The following STYXL2 variants were observed in gnomAD, a reference collection of about 807,000 sequenced individuals.
STYXL2 encodes the protein serine/threonine/tyrosine-interacting-like protein 2.
Under a neutral mutation model 52.4 loss-of-function variants are expected in STYXL2, and 44 were observed. The ratio of observed to expected loss-of-function variants is 0.84; its 90% confidence interval spans 0.66 to 1.08. The LOEUF is 1.08. STYXL2 is among the 50% of genes least tolerant of loss of function. The pLI, the probability that STYXL2 is intolerant of heterozygous loss-of-function variation, is 0.00. For synonymous variants in STYXL2, 604 were observed against 586.9 expected (o/e 1.03, Z -0.42); for missense variants, 1,604 against 1,471.7 (o/e 1.09, Z -1.47).
chr1:167,127,972 A>G lies in STYXL2; in HGVS notation c.2841A>G (p.Lys947=), dbSNP rs572204008. The G allele has an allele frequency of 3.7e-6, 6 of 1,613,552 alleles. No individual in the cohort carries two copies. In the South Asian group the frequency reaches 6.6e-5, roughly 18 times the overall value. ...TCAGTGGCCTCAGGACGGAGGAAAAACCTCCTTTCCAAAGTGACTGGTCTG... is the reference window on the plus strand; with the variant it reads ...TCAGTGGCCTCAGGACGGAGGAAAAGCCTCCTTTCCAAAGTGACTGGTCTG... ...KWLSGLRTEE[K]PPFQSDWSGS... Residue 947 remains lysine (K), a synonymous_variant, in exon 6 of 6, where the codon AAA becomes AAG. Transcript: ENST00000361200.
intron 3 of STYXL2, among the ~76,000 whole-genome samples, chr1:167,116,780 T>C (rs1489255739): frequency 2.0e-5 from 3 of 151,298 alleles, no homozygotes; most frequent in Non-Finnish European, 4.4e-5. Flanking sequence ...GCCTCCCAAG[T>C]AGCTGGGATT....
intron 5 of STYXL2, among the ~76,000 whole-genome samples, chr1:167,124,265 A>T (rs189004854): frequency 6.6e-6 from 1 of 152,198 alleles, no homozygotes; most frequent in East Asian, 1.9e-4. Context: ...GCTCTTGGCA[A>T]TAACACCTTT....
intron 2 of STYXL2, among the ~76,000 whole-genome samples, chr1:167,105,657 C>T (rs893479657): frequency 1.3e-5 from 2 of 152,210 alleles, no homozygotes; most frequent in Non-Finnish European, 2.9e-5. Context: ...GGAAAACAAG[C>T]GTCCGTTTTA....
intron 2 of STYXL2, among the ~76,000 whole-genome samples, chr1:167,106,165 A>G (rs149485284): frequency 3.8e-4 from 58 of 152,328 alleles, no homozygotes; most frequent in African/African-American, 1.4e-3. Flanking sequence ...CACAATTTAA[A>G]GTCAACGTTA....
Position 167,117,488 on chromosome 1 carries a change from G to C in STYXL2, c.366G>C (p.Leu122=), listed in dbSNP as rs145466273. 6.2e-7 allele frequency: 1 copy of C among 1,612,216 alleles called. No homozygotes were observed. The highest frequency in any genetic ancestry group is 1.1e-5 in the South Asian group (1 of 90,430). Residue 122 remains leucine, a synonymous_variant, in exon 4 of 6, where the codon CTG becomes CTC. Coordinates refer to ENST00000361200, the MANE Select transcript of STYXL2 (RefSeq NM_001080426.3). ...TPCVLDLQRA[L]VQDRQEAPWN... is the part of the protein sequence containing the mutation. ...GTGTCCTGGACCTACAGCGGGCCCT[G>C]GTTCAGGATCGCCAAGAGGCGCCCT...
chr1:167,117,284 G>A (rs1364743444), intron 3 of STYXL2, 44 bp from the exon 4 acceptor site: 2 of 1,507,508 alleles, frequency 1.3e-6, no homozygotes, highest in Admixed American at 3.8e-5. Flanking sequence ...GGAAGGCCAT[G>A]ATGTTCCTAA....
At chr1:167,118,652 A>G (rs1216489135) in intron 4 of STYXL2, among the ~76,000 whole-genome samples, 1 of 152,204 alleles carries the variant, frequency 6.6e-6, no homozygotes, top group Non-Finnish European at 1.5e-5. Context: ...AGCTGCACTT[A>G]TTCAGCTACA....
chr1:167,108,527 C>T (rs185086486), intron 2 of STYXL2, among the ~76,000 whole-genome samples: 151 of 152,178 alleles, frequency 9.9e-4, no homozygotes, highest in African/African-American at 3.4e-3. Context: ...CCAACACAAC[C>T]GCTATCGTAA....
At chr1:167,114,757 GA>G (rs1383348109) in intron 3 of STYXL2, among the ~76,000 whole-genome samples, 1 of 152,056 alleles carries the variant, frequency 6.6e-6, no homozygotes, top group East Asian at 1.9e-4. Flanking sequence ...TGCTTTGGGG[GA>G]TTTTTTTTCT....
chr1:167,097,163 G>C (rs917330774), intron 2 of STYXL2, among the ~76,000 whole-genome samples: 1 of 152,160 alleles, frequency 6.6e-6, no homozygotes, highest in Admixed American at 6.5e-5. Context: ...TGTCTTGCTT[G>C]TCCATTATCC....
intron 2 of STYXL2, among the ~76,000 whole-genome samples, chr1:167,104,539 G>C (rs1277224377): frequency 6.6e-6 from 1 of 152,070 alleles, no homozygotes; most frequent in African/African-American, 2.4e-5. Flanking sequence ...CTGTGTTTTC[G>C]TTATGTTTCT....
At chr1:167,103,863 T>A (rs1558018753) in intron 2 of STYXL2, among the ~76,000 whole-genome samples, 1 of 152,264 alleles carries the variant, frequency 6.6e-6, no homozygotes, top group East Asian at 1.9e-4. Flanking sequence ...GGCTCACGCC[T>A]GTAACCCCAG....
chr1:167,094,840 G>T lies in STYXL2; in HGVS notation c.-10G>T. On this transcript the variant is annotated 5_prime_UTR_variant, in exon 2 of 6. Transcript: ENST00000361200. ...TTTCTTGCCAAACTTTCAGAGGTTG[G>T]CAGGTTGTCATGGCGACCAGAAAGG... is the stretch of plus-strand genomic sequence containing the variant. 1 of 1,609,690 alleles carries T rather than the reference G, an allele frequency of 6.2e-7. No individual in the cohort carries two copies. The highest frequency in any genetic ancestry group is 8.5e-7 in the Non-Finnish European group (1 of 1,177,688).
At chr1:167,114,109 C>A (rs1045223199) in intron 3 of STYXL2, among the ~76,000 whole-genome samples, 1 of 152,120 alleles carries the variant, frequency 6.6e-6, no homozygotes, top group Non-Finnish European at 1.5e-5. Context: ...GAGGCACAGA[C>A]CTGAGAGCCC....
chr1:167,102,173 G>T (rs1186115145), intron 2 of STYXL2, among the ~76,000 whole-genome samples: 3 of 151,324 alleles, frequency 2.0e-5, no homozygotes, highest in Non-Finnish European at 2.9e-5. Context: ...GAGAGGGAGG[G>T]CTTAAAAAGG....
At chr1:167,119,123 A>T in intron 4 of STYXL2, 126 bp from the exon 5 acceptor site, 1 of 778,806 alleles carries the variant, frequency 1.3e-6, no homozygotes, top group Non-Finnish European at 2.1e-6. Context: ...CCAGACAACC[A>T]GGGGCAGAAA....
At chr1:167,109,796 C>A (rs571558186) in intron 2 of STYXL2, among the ~76,000 whole-genome samples, 2 of 152,314 alleles carry the variant, frequency 1.3e-5, no homozygotes, top group East Asian at 1.9e-4. Context: ...CATAAAAGAA[C>A]AATGCTGCTC....
chr1:167,124,192 G>A (rs548036459), intron 5 of STYXL2, among the ~76,000 whole-genome samples: 2 of 151,952 alleles, frequency 1.3e-5, no homozygotes, highest in African/African-American at 4.8e-5. Context: ...TTACAGGTAT[G>A]AGCCACCACA....
At chr1:167,105,416 G>C (rs967993543) in intron 2 of STYXL2, among the ~76,000 whole-genome samples, 2 of 152,174 alleles carry the variant, frequency 1.3e-5, no homozygotes, top group East Asian at 3.9e-4. Flanking sequence ...TCGATCCTAG[G>C]TCCTTTTTTT....
Sources: allele counts gnomAD v4.1 joint callset (sites outside exome capture counted in the v4.1 genomes callset), GRCh38; gene constraint gnomAD v4.1.1; transcripts MANE v1.5; gene names NCBI Gene and HGNC (gene_info 2026-07-23, HGNC 2026-07-21).